The following SNRPN variants were observed in gnomAD, a reference collection of about 807,000 sequenced individuals.
SNRPN encodes small nuclear ribonucleoprotein polypeptide N.
A neutral mutation model predicts 25.2 loss-of-function variants in SNRPN; 7 were observed. The ratio of observed to expected loss-of-function variants is 0.28; its 90% CI spans 0.16 to 0.52. The LOEUF is 0.52. SNRPN is among the 20% of genes least tolerant of loss of function. The pLI is 0.96. For synonymous variants in SNRPN, 124 were observed against 110.6 expected (o/e 1.12, Z -0.76); for missense variants, 196 against 322.5 (o/e 0.61, Z 3.00).
At chr15:24,933,199 C>A (rs1434852939) in intron 3 of SNRPN, among the ~76,000 whole-genome samples, 1 of 152,034 alleles carries the variant, frequency 6.6e-6, no homozygotes, top group Admixed American at 6.6e-5. Flanking sequence ...GTTGAGGCTG[C>A]AGTTAGCCAA....
intron 3 of SNRPN, chr15:24,968,368 C>A: frequency 4.5e-6 from 1 of 223,792 alleles, no homozygotes; most frequent in South Asian, 6.1e-5. Context: ...CTCTTGAATA[C>A]CCTGTTACTG....
chr15:24,834,755 A>ATATC (rs2050895037), intron 2 of SNRPN, among the ~76,000 whole-genome samples: 1 of 35,234 alleles, frequency 2.8e-5, no homozygotes, highest in East Asian at 6.6e-4. Flanking sequence ...CTCTCTCTAT[A>ATATC]TATATATATA....
chr15:24,940,584 A>G (rs1342315777), intron 3 of SNRPN, among the ~76,000 whole-genome samples: 1 of 152,122 alleles, frequency 6.6e-6, no homozygotes, highest in Non-Finnish European at 1.5e-5. Flanking sequence ...TTTAAAAAAT[A>G]TTTTTAGTCT....
intron 1 of SNRPN, among the ~76,000 whole-genome samples, chr15:24,882,823 C>CAAA: frequency 7.9e-6 from 1 of 127,112 alleles, no homozygotes; most frequent in East Asian, 2.3e-4. Context: ...GACTCCATCT[C>CAAA]AAAAAAAAAA....
At chr15:24,923,920 A>C (rs4105376) in intron 3 of SNRPN, among the ~76,000 whole-genome samples, 1 of 87,800 alleles carries the variant, frequency 1.1e-5, no homozygotes, top group Non-Finnish European at 2.0e-5. Flanking sequence ...TGTGTATATA[A>C]ACATTTTTTT....
At chr15:24,905,511 A>G (rs1417704091) in intron 2 of SNRPN, among the ~76,000 whole-genome samples, 1 of 120,820 alleles carries the variant, frequency 8.3e-6, no homozygotes, top group East Asian at 4.3e-4. Flanking sequence ...TCCATCTCAA[A>G]AAAAAAAAAA....
At chr15:24,863,855 T>G (rs1595532459) in intron 1 of SNRPN, among the ~76,000 whole-genome samples, 1 of 150,700 alleles carries the variant, frequency 6.6e-6, no homozygotes. Flanking sequence ...AAATTCCAGT[T>G]ACTTTATCTT....
At chr15:24,942,702 C>T (rs2061628553) in intron 3 of SNRPN, among the ~76,000 whole-genome samples, 1 of 152,128 alleles carries the variant, frequency 6.6e-6, no homozygotes, top group African/African-American at 2.4e-5. Context: ...GGAGGGGATT[C>T]AGTGTAATCA....
chr15:24,911,803 C>T (rs1262016231), intron 2 of SNRPN, among the ~76,000 whole-genome samples: 1 of 152,222 alleles, frequency 6.6e-6, no homozygotes, highest in Non-Finnish European at 1.5e-5. Context: ...GTTGGGGCCA[C>T]CACAGAGTGC....
chr15:24,864,125 C>G (rs1376416791), intron 1 of SNRPN, among the ~76,000 whole-genome samples: 1 of 148,440 alleles, frequency 6.7e-6, no homozygotes, highest in Admixed American at 6.6e-5. Flanking sequence ...CTCCCGGGTT[C>G]ACACTATTCT....
chr15:24,944,789 A>G (rs1226286840), intron 3 of SNRPN, among the ~76,000 whole-genome samples: 2 of 152,214 alleles, frequency 1.3e-5, no homozygotes, highest in Admixed American at 1.3e-4. Context: ...AGAATTGGTC[A>G]TGTGGTTATG....
chr15:24,831,897 A>G lies in SNRPN; in HGVS notation c.-579+1992A>G, dbSNP rs79839515. Among the ~76,000 whole-genome samples the G allele has an allele frequency of 9.0e-3, 1,370 of 152,058 alleles. 39 individuals are homozygous for G. Among genetic ancestry groups the G allele is most frequent in the African/African-American group, 0.031 (1,289 of 41,392 alleles). ...GTTGATGGGCACTTAGGTTGATCCCATATTTGGCTATTGTGACTAATTCTG... is the reference window on the plus strand; with the variant it reads ...GTTGATGGGCACTTAGGTTGATCCCGTATTTGGCTATTGTGACTAATTCTG... On this transcript the variant is annotated intron_variant, in intron 2 of 12. Coordinates refer to the SNRPN transcript ENST00000400100.
chr15:24,837,736 T>C (rs1412918475), intron 2 of SNRPN, among the ~76,000 whole-genome samples: 1 of 151,654 alleles, frequency 6.6e-6, no homozygotes, highest in South Asian at 2.1e-4. Flanking sequence ...TTAAATTTTT[T>C]TTTTTTGAGT....
At chr15:24,959,555 G>A (rs1231897006) in intron 1 of SNRPN, among the ~76,000 whole-genome samples, 6 of 152,176 alleles carry the variant, frequency 3.9e-5, no homozygotes, top group East Asian at 1.9e-4. Flanking sequence ...AGCAACTGCC[G>A]AATGGGTTCT....
chr15:24,975,668 T>A (rs1289586689), intron 5 of SNRPN, among the ~76,000 whole-genome samples, 159 bp downstream of exon 5: 1 of 152,224 alleles, frequency 6.6e-6, no homozygotes, highest in Non-Finnish European at 1.5e-5. Context: ...CTGAATTAGG[T>A]CAGAGTCTGC....
At chr15:24,881,523 C>A in intron 1 of SNRPN, among the ~76,000 whole-genome samples, 1 of 71,572 alleles carries the variant, frequency 1.4e-5, no homozygotes. Context: ...AAGAGCGAAA[C>A]TCCGAGAGAG....
At chr15:24,930,979 C>T (rs2060812799) in intron 3 of SNRPN, among the ~76,000 whole-genome samples, 1 of 151,568 alleles carries the variant, frequency 6.6e-6, no homozygotes, top group African/African-American at 2.4e-5. Flanking sequence ...GGTGGGGAGC[C>T]CTAGTGGGTG....
intron 3 of SNRPN, 83 bp downstream of exon 3, chr15:24,968,165 C>T (rs893586780): frequency 1.2e-6 from 1 of 835,542 alleles, no homozygotes; most frequent in African/African-American, 1.7e-5. Context: ...ATCAGTGACA[C>T]ATTAATTTTT....
chr15:24,833,924 T>C (rs1216958698), intron 2 of SNRPN, among the ~76,000 whole-genome samples: 1 of 152,046 alleles, frequency 6.6e-6, no homozygotes, highest in Non-Finnish European at 1.5e-5. Context: ...CCATTGCATT[T>C]CTTTATTTTA....
Sources: allele counts gnomAD v4.1 joint callset (sites outside exome capture counted in the v4.1 genomes callset), GRCh38; gene constraint gnomAD v4.1.1; transcripts MANE v1.5; gene names NCBI Gene and HGNC (gene_info 2026-07-23, HGNC 2026-07-21).